TNFRSF19: variants seen among roughly 807,000 people sequenced by gnomAD.
TNFRSF19 encodes the protein TNF receptor superfamily member 19.
Under a neutral mutation model 46.4 loss-of-function variants are expected in TNFRSF19, and 27 were observed. The ratio of observed to expected loss-of-function variants is 0.58; its 90% confidence interval spans 0.43 to 0.80. The LOEUF is 0.80. Ranked by LOEUF, TNFRSF19 falls within the 30% of genes least tolerant of loss-of-function variation. The pLI is 0.00. For missense variants in TNFRSF19, 511 were observed against 530.8 expected, an observed-to-expected ratio of 0.96 and a Z score of 0.37; for synonymous variants, 204 against 205.0, an observed-to-expected ratio of 1.00 and a Z score of 0.04.
chr13:23,667,890 C>G, intron 7 of TNFRSF19, 90 bp from the exon 8 acceptor site: 1 of 1,122,004 alleles, frequency 8.9e-7, no homozygotes, highest in Admixed American at 3.3e-5. Context: ...AGGGAAACAT[C>G]TAAATTTCCG....
In TNFRSF19 at chr13:23,667,900, G is replaced by A. The variant is rs771066705; in HGVS notation, c.737-80G>A. The A allele has an allele frequency of 9.6e-5, 114 of 1,182,296 alleles. 2 individuals are homozygous for A. The highest frequency in any genetic ancestry group is 2.3e-4 in the Middle Eastern group (1 of 4,444). 73.2% of individuals were successfully genotyped at this position (1,182,296 alleles called of 1,614,324 possible). On this transcript the variant is annotated intron_variant, in intron 7 of 9. Transcript: ENST00000248484. The stretch of plus-strand genomic sequence containing the variant: ...CCCAAAGGGAAACATCTAAATTTCC[G>A]AGAGCAGTGTTGAAGTGTTATTAAA...
chr13:23,583,599 G>T (rs1878617551), intron 1 of TNFRSF19, among the ~76,000 whole-genome samples: 1 of 152,204 alleles, frequency 6.6e-6, no homozygotes, highest in South Asian at 2.1e-4. Context: ...AAAGGAACTT[G>T]TGTGTCTGAA....
At chr13:23,621,135 G>A (rs1881627106) in intron 4 of TNFRSF19, among the ~76,000 whole-genome samples, 1 of 152,106 alleles carries the variant, frequency 6.6e-6, no homozygotes, top group African/African-American at 2.4e-5. Flanking sequence ...TGTGTGCTGT[G>A]TGCCCACTTC....
At chr13:23,668,300 ATT>A (rs1951684430) in intron 8 of TNFRSF19, among the ~76,000 whole-genome samples, 1 of 152,164 alleles carries the variant, frequency 6.6e-6, no homozygotes, top group African/African-American at 2.4e-5. Context: ...CTCTTCATTA[ATT>A]TTATTTTTGT....
chr13:23,653,094 C>A (rs1465735575), intron 5 of TNFRSF19, among the ~76,000 whole-genome samples: 1 of 152,172 alleles, frequency 6.6e-6, no homozygotes, highest in Non-Finnish European at 1.5e-5. Context: ...CTTCCTGCCC[C>A]CTGTGCTAAG....
chr13:23,590,834 A>G (rs1879224944), intron 2 of TNFRSF19, among the ~76,000 whole-genome samples: 2 of 152,340 alleles, frequency 1.3e-5, no homozygotes, highest in South Asian at 2.1e-4. Flanking sequence ...TGATGATATT[A>G]TTTTGCCTTT....
intron 2 of TNFRSF19, among the ~76,000 whole-genome samples, chr13:23,593,122 G>C (rs1021537451): frequency 6.6e-6 from 1 of 152,036 alleles, no homozygotes; most frequent in Non-Finnish European, 1.5e-5. Flanking sequence ...GAGAATCAAT[G>C]AGTATTCTCT....
intron 3 of TNFRSF19, among the ~76,000 whole-genome samples, chr13:23,596,955 C>T (rs1004489023): frequency 3.9e-5 from 6 of 152,108 alleles, no homozygotes; most frequent in East Asian, 1.9e-4. Context: ...CACTCAAAGC[C>T]GCACAACTAC....
chr13:23,606,313 A>G (rs57383994), intron 3 of TNFRSF19, among the ~76,000 whole-genome samples: 2,905 of 152,112 alleles, frequency 0.019, 100 homozygotes, highest in African/African-American at 0.066. Context: ...GCCTTTATGT[A>G]CTTATTTCAT....
chr13:23,668,667 T>C (rs368852693), intron 8 of TNFRSF19, 25 bp from the exon 9 acceptor site: 1 of 1,588,080 alleles, frequency 6.3e-7, no homozygotes, highest in Non-Finnish European at 8.6e-7. Context: ...TCAAAAACTT[T>C]AAGTTCTTTT....
At chr13:23,665,621 C>CGT (rs1951617122) in intron 7 of TNFRSF19, among the ~76,000 whole-genome samples, 3 of 152,046 alleles carry the variant, frequency 2.0e-5, no homozygotes, top group Admixed American at 6.6e-5. Flanking sequence ...CCCTCTCTCT[C>CGT]GTGTGTGTGT....
chr13:23,576,510 C>T lies in TNFRSF19; in HGVS notation c.-35+5662C>T, dbSNP rs74723858. Among the ~76,000 whole-genome samples, 1,492 of 152,208 alleles carry T rather than the reference C, an allele frequency of 9.8e-3. 36 individuals are homozygous for T. The highest frequency in any genetic ancestry group is 0.09 in the East Asian group (463 of 5,166). On this transcript the variant is annotated intron_variant, in intron 1 of 9. Coordinates refer to ENST00000248484, the MANE Select transcript of TNFRSF19 (RefSeq NM_148957.4). Reference sequence around the variant, plus strand: ...GTTCAGACACTGTCTCCAAATCATACAACACTCAAATGAGGGAAAGTGGGA... The same window carrying T: ...GTTCAGACACTGTCTCCAAATCATATAACACTCAAATGAGGGAAAGTGGGA...
chr13:23,578,377 A>AATG (rs75741052), intron 1 of TNFRSF19, among the ~76,000 whole-genome samples: 15,626 of 152,102 alleles, frequency 0.1, 842 homozygotes, highest in East Asian at 0.18. Context: ...TGACATCGGG[A>AATG]ATAATATTTT....
intron 4 of TNFRSF19, among the ~76,000 whole-genome samples, chr13:23,621,724 G>A (rs1263855779): frequency 2.6e-5 from 4 of 151,676 alleles, no homozygotes; most frequent in African/African-American, 7.3e-5. Flanking sequence ...CAGGTGGATC[G>A]CTTGAGCTCA....
chr13:23,630,844 A>T (rs867262929), intron 5 of TNFRSF19, among the ~76,000 whole-genome samples: 8 of 152,132 alleles, frequency 5.3e-5, no homozygotes, highest in Non-Finnish European at 8.8e-5. Context: ...GTTTTGAAAA[A>T]ATTCAAAGGG....
chr13:23,655,372 T>A (rs1379970374), intron 5 of TNFRSF19, among the ~76,000 whole-genome samples: 1 of 152,208 alleles, frequency 6.6e-6, no homozygotes, highest in Non-Finnish European at 1.5e-5. Flanking sequence ...GTGCTAACAT[T>A]ATGGTGGAAT....
intron 2 of TNFRSF19, 104 bp downstream of exon 2, chr13:23,590,356 A>G: frequency 1.4e-6 from 1 of 698,242 alleles, no homozygotes. Context: ...TTTTTTTGAG[A>G]CAGAGTCTTG....
intron 4 of TNFRSF19, among the ~76,000 whole-genome samples, chr13:23,619,343 G>A (rs1449213173): frequency 2.0e-5 from 3 of 152,176 alleles, no homozygotes; most frequent in Non-Finnish European, 2.9e-5. Context: ...GGGACAGAAA[G>A]GAAATTAGTG....
Position 23,586,025 on chromosome 13 carries a change from C to T in TNFRSF19, c.-34-4125C>T, listed in dbSNP as rs571271024. Among the ~76,000 whole-genome samples, 9 of 152,100 alleles carry T rather than the reference C, an allele frequency of 5.9e-5. No individual in the cohort carries two copies. In the South Asian group the frequency reaches 1.9e-3, roughly 32 times the overall value. ...GTGGCTCACGCCTGTAATCCCAGCA[C>T]TTTGAGAGGCCGAGGCGGGCGGATC... On this transcript the variant is annotated intron_variant, in intron 1 of 9. Transcript: ENST00000248484.
Sources: gnomAD v4.1 joint callset for allele counts (sites outside exome capture counted in the v4.1 genomes callset) on GRCh38, gnomAD v4.1.1 for gene constraint, MANE v1.5 for transcripts, NCBI Gene and HGNC (gene_info 2026-07-23, HGNC 2026-07-21) for gene names.